MYO10: variants seen among roughly 807,000 people sequenced by gnomAD.
The protein encoded by MYO10 is myosin X.
Under a neutral mutation model 257.3 loss-of-function variants are expected in MYO10, and 133 were observed. The observed-to-expected ratio is 0.52, with a 90% CI of 0.45 to 0.60. The LOEUF (loss-of-function observed/expected upper bound fraction) is 0.60, where lower values mean the gene tolerates loss of function less well. Among genes scored for constraint, MYO10 ranks in the 20% least tolerant of loss-of-function variants. MYO10 has a pLI of 0.00. For missense variants in MYO10, 2,399 were observed against 2,635.7 expected (o/e 0.91, Z 1.97); for synonymous variants, 1,104 against 1,028.6 (o/e 1.07, Z -1.40).
intron 19 of MYO10, chr5:16,713,415 C>A (rs988619617): frequency 1.1e-5 from 11 of 985,744 alleles, no homozygotes; most frequent in Non-Finnish European, 1.2e-5. Flanking sequence ...CCACACTGAC[C>A]TTTTCCCCAC....
At chr5:16,777,839 C>CTATTCTTTTTTTTTTTTTTTTTT (rs1391555719) in intron 9 of MYO10, among the ~76,000 whole-genome samples, 1 of 88,482 alleles carries the variant, frequency 1.1e-5, no homozygotes, top group African/African-American at 5.4e-5. Context: ...TTGCATCTAA[C>CTATTCTTTTTTTTTTTTTTTTTT]TTTTTTTTTT....
chr5:16,910,855 T>C (rs1580141617), intron 1 of MYO10, among the ~76,000 whole-genome samples: 4 of 152,142 alleles, frequency 2.6e-5, no homozygotes, highest in Middle Eastern at 3.2e-3. Flanking sequence ...CTGTCTGAGG[T>C]AGTCTATGGG....
At chr5:16,674,568 T>TC (rs1736633533) in intron 35 of MYO10, among the ~76,000 whole-genome samples, 1 of 152,078 alleles carries the variant, frequency 6.6e-6, no homozygotes, top group Non-Finnish European at 1.5e-5. Context: ...TCCAAGTTTT[T>TC]TTTTTTTTTT....
At chr5:16,918,463 T>C (rs370005517) in intron 1 of MYO10, among the ~76,000 whole-genome samples, 7 of 151,404 alleles carry the variant, frequency 4.6e-5, no homozygotes, top group East Asian at 1.9e-4. Context: ...GGATGCTCCC[T>C]GGAAACACAA....
chr5:16,697,115 C>G (rs1737783166), intron 26 of MYO10, among the ~76,000 whole-genome samples: 1 of 152,074 alleles, frequency 6.6e-6, no homozygotes, highest in Non-Finnish European at 1.5e-5. Flanking sequence ...TTCATTCCAA[C>G]AGTCCTACTA....
intron 1 of MYO10, among the ~76,000 whole-genome samples, chr5:16,890,367 G>C (rs1255855205): frequency 6.6e-6 from 1 of 151,818 alleles, no homozygotes; most frequent in Non-Finnish European, 1.5e-5. Flanking sequence ...ATATGACCCA[G>C]AAATTCCACT....
In MYO10 at chr5:16,701,700, C is replaced by G. The variant is rs767101670; in HGVS notation, c.2695G>C (p.Asp899His). 2 of 1,613,972 alleles carry G rather than the reference C, an allele frequency of 1.2e-6. No individual in the cohort carries two copies. The highest frequency in any genetic ancestry group is 2.7e-5 in the African/African-American group (2 of 75,066). Residue 899 changes from aspartate (D) to histidine (H), a missense_variant, in exon 25 of 41, where the codon GAC (aspartate) becomes CAC (histidine). Around this residue, in one of 3 missense-constraint regions of MYO10, gnomAD observed 1,820 missense variants for 1,939.4 expected, o/e 0.94. Coordinates refer to ENST00000513610, the MANE Select transcript of MYO10 (RefSeq NM_012334.3). This position sits in a 1 kb window ranked among gnomAD's most constrained non-coding sequence, Gnocchi z 8.1. ...TGCTGCTCCTTCATGCGCTGCAGGT[C>G]CTCGATTTCTTTCTCCAGACGGAGG... is the stretch of plus-strand genomic sequence containing the variant. Reference protein sequence around the residue: ...EILRLEKEIEDLQRMKEQQEL... With the variant: ...EILRLEKEIEHLQRMKEQQEL...
At chr5:16,834,889 A>G (rs550856202) in intron 2 of MYO10, among the ~76,000 whole-genome samples, 43 of 152,352 alleles carry the variant, frequency 2.8e-4, no homozygotes, top group Admixed American at 9.1e-4. Context: ...GAATTTAGAG[A>G]TAACAGTTGG....
At chr5:16,682,063 C>T (rs775024345) in intron 30 of MYO10, 50 bp from the exon 31 acceptor site, 2 of 1,589,504 alleles carry the variant, frequency 1.3e-6, no homozygotes, top group Admixed American at 1.7e-5. Context: ...CTACCGTCAG[C>T]ATCACCTCTG....
intron 2 of MYO10, among the ~76,000 whole-genome samples, chr5:16,859,488 A>G (rs1744052396): frequency 6.6e-6 from 1 of 152,172 alleles, no homozygotes; most frequent in South Asian, 2.1e-4. Flanking sequence ...CAGGCACCTT[A>G]TAATCCCAGT....
intron 3 of MYO10, among the ~76,000 whole-genome samples, chr5:16,796,987 C>A (rs1354896888): frequency 1.9e-5 from 2 of 105,476 alleles, no homozygotes; most frequent in South Asian, 3.9e-4. Context: ...CGGAGGGTAA[C>A]AAAAAACAAG....
chr5:16,926,191 A>G (rs1241129755), intron 1 of MYO10, among the ~76,000 whole-genome samples: 1 of 152,220 alleles, frequency 6.6e-6, no homozygotes, highest in African/African-American at 2.4e-5. Context: ...AAAGTTTCCA[A>G]TTTGGGAGAA....
intron 2 of MYO10, among the ~76,000 whole-genome samples, chr5:16,828,587 T>C: frequency 7.3e-6 from 1 of 136,084 alleles, no homozygotes. Context: ...GCCACTGCAC[T>C]CCAGCCTGGA....
chr5:16,850,517 C>G (rs773015240), intron 2 of MYO10, among the ~76,000 whole-genome samples: 50 of 152,050 alleles, frequency 3.3e-4, no homozygotes, highest in Non-Finnish European at 6.3e-4. Context: ...ACCTCGTGAT[C>G]CAGCTGCCTC....
At chr5:16,672,251 C>T (rs375652007) in intron 37 of MYO10, among the ~76,000 whole-genome samples, 3 of 144,952 alleles carry the variant, frequency 2.1e-5, no homozygotes, top group Admixed American at 7.3e-5. Flanking sequence ...GCCAAGGTTG[C>T]GCCACTGCAC....
intron 19 of MYO10, among the ~76,000 whole-genome samples, chr5:16,719,992 G>GCA (rs1739080638): frequency 4.0e-5 from 4 of 101,228 alleles, no homozygotes; most frequent in African/African-American, 3.4e-4. Flanking sequence ...GTGCGTGCGT[G>GCA]TGTGTGTGTG....
intron 9 of MYO10, among the ~76,000 whole-genome samples, chr5:16,770,140 G>T (rs557536061): frequency 6.6e-6 from 1 of 152,112 alleles, no homozygotes; most frequent in Non-Finnish European, 1.5e-5. Context: ...GCTGAGGCAG[G>T]AGTATCGCAT....
intron 10 of MYO10, 147 bp from the exon 11 acceptor site, chr5:16,766,345 G>A: frequency 3.1e-6 from 2 of 655,102 alleles, no homozygotes; most frequent in Non-Finnish European, 5.4e-6. Context: ...CATTCCCTTA[G>A]TGAATCCTAG....
At chr5:16,912,672 C>T (rs1745690331) in intron 1 of MYO10, among the ~76,000 whole-genome samples, 1 of 151,910 alleles carries the variant, frequency 6.6e-6, no homozygotes, top group South Asian at 2.1e-4. Context: ...TTGAATCATA[C>T]CTTAATTCTG....
Sources: allele counts gnomAD v4.1 joint callset (sites outside exome capture counted in the v4.1 genomes callset), GRCh38; gene constraint gnomAD v4.1.1; regional missense constraint gnomAD v4.1.1; non-coding constraint Gnocchi (gnomAD v3.1); transcripts MANE v1.5; gene names NCBI Gene and HGNC (gene_info 2026-07-23, HGNC 2026-07-21).